The following TRPV3 variants were observed in gnomAD, a reference collection of about 807,000 sequenced individuals.
The protein encoded by TRPV3 is transient receptor potential cation channel subfamily V member 3, also known as VRL-3.
Under a neutral mutation model 87.1 loss-of-function variants are expected in TRPV3, and 88 were observed. That is an observed-to-expected ratio of 1.01 (90% CI 0.85 to 1.21). The LOEUF (loss-of-function observed/expected upper bound fraction) is 1.21. Ranked by LOEUF, TRPV3 falls within the 50% of genes most tolerant of loss-of-function variation. TRPV3 has a pLI of 0.00. For synonymous variants in TRPV3, 438 were observed against 423.3 expected (o/e 1.03, Z -0.43); for missense variants, 1,054 against 1,030.1 (o/e 1.02, Z -0.32).
intron 14 of TRPV3, among the ~76,000 whole-genome samples, chr17:3,520,728 C>T (rs563577971): frequency 1.3e-5 from 2 of 152,180 alleles, no homozygotes; most frequent in Non-Finnish European, 2.9e-5. Flanking sequence ...GTGCAGCATA[C>T]CAACATGGCA....
In TRPV3 at chr17:3,514,424, T is replaced by C. The variant is rs549472017; in HGVS notation, c.2278+169A>G. ...CTTAGGGCTACGCCATTTTAAAAGT[T>C]GTGCCAACTAGGGTTCTAAAAGTCA... On this transcript the variant is annotated intron_variant, in intron 17 of 17. Coordinates refer to ENST00000576742, the MANE Select transcript of TRPV3 (RefSeq NM_145068.4). 7 of 610,674 alleles carry C rather than the reference T, an allele frequency of 1.1e-5. No homozygotes were observed. In the African/African-American group the frequency reaches 1.3e-4, roughly 11 times the overall value. 37.8% of individuals were successfully genotyped at this position (610,674 alleles called of 1,614,324 possible).
chr17:3,523,728 A>AC, intron 13 of TRPV3, among the ~76,000 whole-genome samples: 1 of 152,086 alleles, frequency 6.6e-6, no homozygotes, highest in East Asian at 1.9e-4. Flanking sequence ...CAAAAAAAAA[A>AC]AAAAAAAGCA....
At chr17:3,532,452 C>T (rs550399638) in intron 8 of TRPV3, among the ~76,000 whole-genome samples, 2 of 152,384 alleles carry the variant, frequency 1.3e-5, no homozygotes, top group East Asian at 1.9e-4. Context: ...AGAGAGTGGG[C>T]TGCATCGCAC....
intron 2 of TRPV3, among the ~76,000 whole-genome samples, chr17:3,550,069 G>C (rs946859169): frequency 6.6e-6 from 1 of 152,132 alleles, no homozygotes. Context: ...TGGATGGATG[G>C]ATGGATGGAT....
chr17:3,547,644 A>T (rs1428014765), intron 2 of TRPV3, among the ~76,000 whole-genome samples: 1 of 151,666 alleles, frequency 6.6e-6, no homozygotes, highest in African/African-American at 2.4e-5. Flanking sequence ...GATCTAGAGC[A>T]GGGAGGACTT....
rs1412410148 is a variant in TRPV3, at chr17:3,556,644, C to T, written c.-3+1032G>A. Among the ~76,000 whole-genome samples, 1 of 152,132 alleles carries T rather than the reference C, an allele frequency of 6.6e-6. No homozygotes were observed. Among genetic ancestry groups the T allele is most frequent in the Non-Finnish European group, 1.5e-5 (1 of 68,020 alleles). ...GGTGTCATCAGGCTGGAGAGAGTCCCCCGCCCTCCAACTCAAAGGGAGCAG... is the reference window on the plus strand; with the variant it reads ...GGTGTCATCAGGCTGGAGAGAGTCCTCCGCCCTCCAACTCAAAGGGAGCAG... On this transcript the variant is annotated intron_variant, in intron 1 of 17. Transcript: ENST00000576742. This position sits in a 1 kb window ranked among gnomAD's most constrained non-coding sequence, Gnocchi z 4.2.
chr17:3,541,367 CA>C (rs1280233720), intron 6 of TRPV3, among the ~76,000 whole-genome samples: 1 of 152,002 alleles, frequency 6.6e-6, no homozygotes, highest in South Asian at 2.1e-4. Flanking sequence ...GACTCCATGT[CA>C]AAAAACAAAA....
rs144751713 is a variant in TRPV3, at chr17:3,556,647, G to A, written c.-3+1029C>T. 2.3e-4 allele frequency among the ~76,000 whole-genome samples: 35 copies of A among 152,240 alleles called. No individual in the cohort carries two copies. Among genetic ancestry groups the A allele is most frequent in the Middle Eastern group, 3.4e-3 (1 of 294 alleles). On this transcript the variant is annotated intron_variant, in intron 1 of 17. Transcript: ENST00000576742. The surrounding 1 kb of genome is among the most constrained non-coding windows in gnomAD (Gnocchi z 4.2). ...GTCATCAGGCTGGAGAGAGTCCCCC[G>A]CCCTCCAACTCAAAGGGAGCAGGCT...
intron 6 of TRPV3, among the ~76,000 whole-genome samples, chr17:3,539,901 C>T (rs1281171206): frequency 1.3e-5 from 2 of 151,896 alleles, no homozygotes; most frequent in Non-Finnish European, 1.5e-5. Flanking sequence ...AGGAAATATT[C>T]GCCCTTGCCC....
At chr17:3,547,393 G>A (rs2074536495) in intron 2 of TRPV3, among the ~76,000 whole-genome samples, 1 of 152,216 alleles carries the variant, frequency 6.6e-6, no homozygotes, top group East Asian at 1.9e-4. Flanking sequence ...GCTAGAGGCA[G>A]GAGGGTCACT....
intron 2 of TRPV3, among the ~76,000 whole-genome samples, chr17:3,546,160 A>G (rs948600533): frequency 3.9e-5 from 6 of 152,198 alleles, no homozygotes. Flanking sequence ...GAAGACAAAC[A>G]TAGACGCATG....
chr17:3,545,326 C>A, intron 2 of TRPV3, 55 bp from the exon 3 acceptor site: 1 of 1,367,296 alleles, frequency 7.3e-7, no homozygotes. Flanking sequence ...GCCTGTCTGC[C>A]TGTGTCCTGC....
intron 6 of TRPV3, among the ~76,000 whole-genome samples, chr17:3,541,926 CTTTCTTTTCTTTG>C (rs1376174418): frequency 1.3e-5 from 2 of 151,928 alleles, no homozygotes; most frequent in African/African-American, 4.8e-5. Flanking sequence ...CAGTGACTTT[CTTTCTTTTCTTTG>C]TTTCTTTTTC....
chr17:3,522,957 A>G (rs2074261512), intron 13 of TRPV3, among the ~76,000 whole-genome samples: 1 of 152,116 alleles, frequency 6.6e-6, no homozygotes, highest in Non-Finnish European at 1.5e-5. Context: ...CATATTATAT[A>G]ATGTTTGGTA....
intron 2 of TRPV3, among the ~76,000 whole-genome samples, chr17:3,547,818 C>A (rs190896478): frequency 6.6e-6 from 1 of 152,070 alleles, no homozygotes; most frequent in Non-Finnish European, 1.5e-5. Flanking sequence ...TGAGCCCCAG[C>A]GAAGGAGAGA....
chr17:3,520,286 A>AG (rs1315932587), intron 14 of TRPV3, among the ~76,000 whole-genome samples: 1 of 152,248 alleles, frequency 6.6e-6, no homozygotes, highest in South Asian at 2.1e-4. Flanking sequence ...AGATTTTAAG[A>AG]GGGGGCTCCT....
At chr17:3,552,004 TC>T (rs1335669531) in intron 2 of TRPV3, among the ~76,000 whole-genome samples, 1 of 142,130 alleles carries the variant, frequency 7.0e-6, no homozygotes, top group Non-Finnish European at 1.5e-5. Flanking sequence ...TGCCTCAGCC[TC>T]CCAAGTAGCT....
At chr17:3,538,997 G>C (rs1013781983) in intron 6 of TRPV3, among the ~76,000 whole-genome samples, 7 of 152,180 alleles carry the variant, frequency 4.6e-5, no homozygotes, top group African/African-American at 1.7e-4. Flanking sequence ...CGTGCACTGT[G>C]ACATTGTCAC....
At chr17:3,524,514 T>C in intron 12 of TRPV3, 151 bp from the exon 13 acceptor site, 4 of 968,452 alleles carry the variant, frequency 4.1e-6, no homozygotes, top group Non-Finnish European at 6.0e-6. Flanking sequence ...CTCAGATCCA[T>C]TTGGCTACCA....
Sources: allele counts gnomAD v4.1 joint callset (sites outside exome capture counted in the v4.1 genomes callset), GRCh38; gene constraint gnomAD v4.1.1; non-coding constraint Gnocchi (gnomAD v3.1); transcripts MANE v1.5; gene names NCBI Gene and HGNC (gene_info 2026-07-23, HGNC 2026-07-21).